ACYP2: variants seen among roughly 807,000 people sequenced by gnomAD.
The protein encoded by ACYP2 is acylphosphatase-2.
ACYP2 carries 12 observed loss-of-function variants against 11.2 expected under a neutral mutation model. The observed-to-expected ratio is 1.08, with a 90% CI of 0.69 to 1.74. The LOEUF (loss-of-function observed/expected upper bound fraction) is 1.74. Among genes scored for constraint, ACYP2 ranks in the 40% most tolerant of loss-of-function variants. The pLI is 0.00. For synonymous variants in ACYP2, 43 were observed against 32.2 expected (o/e 1.33, Z -1.13); for missense variants, 134 against 101.9 (o/e 1.31, Z -1.35).
chr2:54,109,152 C>A (rs1039508186), intron 4 of ACYP2, among the ~76,000 whole-genome samples: 1 of 152,050 alleles, frequency 6.6e-6, no homozygotes, highest in Non-Finnish European at 1.5e-5. Flanking sequence ...CCAGCCCAAA[C>A]GCCCATCAAT....
At position 54,241,066 on chromosome 2, in the gene ACYP2, T is replaced by C. The variant is rs762758973; in HGVS notation, c.405-63622T>C. Among the ~76,000 whole-genome samples, 8 of 152,182 alleles carry C rather than the reference T, an allele frequency of 5.3e-5. No homozygotes were observed. The South Asian group carries it at 6.2e-4, about 12-fold the overall frequency. Reference sequence around the variant, plus strand: ...TTGGCTGGCTGGAGAGCAAGTGCCATTGACATGGCCCAAAGAGTATCATCT... The same window carrying C: ...TTGGCTGGCTGGAGAGCAAGTGCCACTGACATGGCCCAAAGAGTATCATCT... On this transcript the variant is annotated intron_variant, in intron 6 of 6. Transcript: ENST00000607452.
chr2:53,997,624 G>A (rs1349302838), intron 2 of ACYP2, among the ~76,000 whole-genome samples: 1 of 151,968 alleles, frequency 6.6e-6, no homozygotes, highest in African/African-American at 2.4e-5. Flanking sequence ...CCTTCTTTTA[G>A]TACTCAAGTT....
chr2:54,260,102 G>A (rs891737734), intron 6 of ACYP2, among the ~76,000 whole-genome samples: 1 of 152,134 alleles, frequency 6.6e-6, no homozygotes, highest in African/African-American at 2.4e-5. Context: ...AAGTGGAGAA[G>A]GAGATGTCAG....
At chr2:54,029,582 T>C (rs1400716344) in intron 2 of ACYP2, 2 of 395,038 alleles carry the variant, frequency 5.1e-6, no homozygotes, top group Non-Finnish European at 9.7e-6. Flanking sequence ...GGTGCTTCAG[T>C]TGAATCCAGG....
intron 6 of ACYP2, among the ~76,000 whole-genome samples, chr2:54,173,707 A>G (rs1236601336): frequency 6.6e-6 from 1 of 152,138 alleles, no homozygotes; most frequent in Non-Finnish European, 1.5e-5. Context: ...TCTTGAATTA[A>G]TTTTTGTATA....
chr2:54,032,669 A>T (rs1050986477), intron 2 of ACYP2, among the ~76,000 whole-genome samples: 3 of 152,166 alleles, frequency 2.0e-5, no homozygotes, highest in African/African-American at 7.2e-5. Context: ...GAAGAAAGTC[A>T]TTGGTAGCTT....
intron 6 of ACYP2, among the ~76,000 whole-genome samples, chr2:54,140,307 C>T (rs903913681): frequency 5.9e-5 from 9 of 152,152 alleles, no homozygotes; most frequent in South Asian, 2.1e-4. Flanking sequence ...TTTTTAAAAA[C>T]GGGGAGTATG....
intron 6 of ACYP2, among the ~76,000 whole-genome samples, chr2:54,284,525 C>G (rs558251515): frequency 5.3e-5 from 8 of 152,210 alleles, no homozygotes; most frequent in African/African-American, 1.9e-4. Flanking sequence ...TTTCTTGTGA[C>G]TCAGTTTTAC....
intron 4 of ACYP2, among the ~76,000 whole-genome samples, chr2:54,070,788 G>A (rs1676996536): frequency 6.7e-6 from 1 of 149,774 alleles, no homozygotes; most frequent in Non-Finnish European, 1.5e-5. Flanking sequence ...CCAGGCTGGA[G>A]TGCAGTGGCA....
At chr2:53,976,405 A>T (rs569430857) in intron 2 of ACYP2, among the ~76,000 whole-genome samples, 55 of 152,220 alleles carry the variant, frequency 3.6e-4, no homozygotes, top group African/African-American at 1.0e-3. Context: ...TAGAGTCTCA[A>T]TGTGTTGCCC....
intron 2 of ACYP2, among the ~76,000 whole-genome samples, chr2:53,999,533 C>G (rs1672712307): frequency 6.6e-6 from 1 of 152,134 alleles, no homozygotes; most frequent in Admixed American, 6.6e-5. Context: ...GTTCTAGCCC[C>G]TTTGGGTCAG....
chr2:54,134,492 G>A (rs968993623), intron 4 of ACYP2, among the ~76,000 whole-genome samples: 1 of 152,146 alleles, frequency 6.6e-6, no homozygotes, highest in Non-Finnish European at 1.5e-5. Flanking sequence ...GTTGAGGACA[G>A]CTAAATTTTA....
intron 6 of ACYP2, among the ~76,000 whole-genome samples, chr2:54,160,344 A>G: frequency 6.6e-6 from 1 of 152,154 alleles, no homozygotes; most frequent in Middle Eastern, 3.2e-3. Flanking sequence ...CTGGCAGCAC[A>G]CTTCTATGTG....
Position 54,283,587 on chromosome 2 carries a change from A to T in ACYP2, c.405-21101A>T, listed in dbSNP as rs74550026. 2.9e-3 allele frequency among the ~76,000 whole-genome samples: 445 copies of T among 152,372 alleles called. 3 individuals are homozygous for T. The highest frequency in any genetic ancestry group is 0.01 in the African/African-American group (431 of 41,594). On this transcript the variant is annotated intron_variant, in intron 6 of 6. Coordinates refer to ENST00000607452, the MANE Select transcript of ACYP2 (RefSeq NM_001320586.2). ...TCTGACTCAAAAGCCCATGGTTTTA[A>T]ACCGTGACTTCGTAGTGCCTTCTGG...
intron 3 of ACYP2, among the ~76,000 whole-genome samples, chr2:54,052,599 A>T (rs1675929028): frequency 6.6e-6 from 1 of 152,230 alleles, no homozygotes; most frequent in Non-Finnish European, 1.5e-5. Context: ...TTCTGTTGAC[A>T]GTCTGAATGC....
intron 6 of ACYP2, among the ~76,000 whole-genome samples, chr2:54,194,513 C>T (rs1462950918): frequency 3.9e-5 from 6 of 152,020 alleles, no homozygotes; most frequent in Non-Finnish European, 5.9e-5. Context: ...ATCTTGAGTG[C>T]ACTCATTGAT....
chr2:54,089,238 G>T (rs1678097986), intron 4 of ACYP2, among the ~76,000 whole-genome samples: 1 of 152,142 alleles, frequency 6.6e-6, no homozygotes, highest in African/African-American at 2.4e-5. Context: ...AATGAACCTT[G>T]AATAACAAAT....
At chr2:54,288,120 G>A (rs1689155666) in intron 6 of ACYP2, among the ~76,000 whole-genome samples, 1 of 151,910 alleles carries the variant, frequency 6.6e-6, no homozygotes, top group Non-Finnish European at 1.5e-5. Context: ...GAAAATATCA[G>A]ACCTGTTGCC....
chr2:53,980,241 T>G (rs1558449555), intron 2 of ACYP2, among the ~76,000 whole-genome samples: 1 of 152,004 alleles, frequency 6.6e-6, no homozygotes, highest in Admixed American at 6.6e-5. Context: ...TAGTCCCAGC[T>G]ACCTGGGAGG....
Sources: allele counts gnomAD v4.1 joint callset (sites outside exome capture counted in the v4.1 genomes callset), GRCh38; gene constraint gnomAD v4.1.1; transcripts MANE v1.5; gene names NCBI Gene and HGNC (gene_info 2026-07-23, HGNC 2026-07-21).